The following CDH10 variants were observed in gnomAD, a reference collection of about 807,000 sequenced individuals.
The protein encoded by CDH10 is cadherin-10.
CDH10 carries 30 observed loss-of-function variants against 73.1 expected under a neutral mutation model. That is an observed-to-expected ratio of 0.41 (90% CI 0.31 to 0.56). The LOEUF (loss-of-function observed/expected upper bound fraction) is 0.56. Among genes scored for constraint, CDH10 ranks in the 20% least tolerant of loss-of-function variants. CDH10 has a pLI of 0.27. For missense variants in CDH10, 815 were observed against 973.7 expected, an observed-to-expected ratio of 0.84 and a Z score of 2.17; for synonymous variants, 345 against 348.2, an observed-to-expected ratio of 0.99 and a Z score of 0.10.
At chr5:24,513,238 C>T (rs550082928) in intron 5 of CDH10, among the ~76,000 whole-genome samples, 9 of 151,982 alleles carry the variant, frequency 5.9e-5, no homozygotes, top group East Asian at 1.9e-4. Context: ...AGGCTGGTCT[C>T]GAACTCCTGA....
At chr5:24,618,860 C>A (rs1051965000) in intron 1 of CDH10, among the ~76,000 whole-genome samples, 2 of 152,062 alleles carry the variant, frequency 1.3e-5, no homozygotes, top group Non-Finnish European at 2.9e-5. Flanking sequence ...TTAAGAAGCA[C>A]CTAGAGGCAT....
rs553379632 is a variant in CDH10 at position 24,643,987 on chromosome 5, A to T, written c.-124+607T>A. On this transcript the variant is annotated intron_variant, in intron 1 of 11. Transcript: ENST00000264463. Reference sequence around the variant, plus strand: ...TCTCTCCCCCCAATACTTCTGACTCAGATATAAAATTGAAAATAAGAATTC... The same window carrying T: ...TCTCTCCCCCCAATACTTCTGACTCTGATATAAAATTGAAAATAAGAATTC... Among the ~76,000 whole-genome samples, 180 of 152,236 alleles carry T rather than the reference A, an allele frequency of 1.2e-3. 1 individual carries two copies. The highest frequency in any genetic ancestry group is 1.8e-3 in the Non-Finnish European group (123 of 68,020).
rs901687201 is a variant in CDH10, at chr5:24,492,871, A to C, written c.1570T>G (p.Phe524Val). ...TTGACAGCAGCTAAACTGAAAAAAA[A>C]TTTCTGTCCACCTAAAGGGTCATCT... ...DKDDPLGGQK[F>V]FFSLAAVNPN... The change falls in exon 10 of 12, where the codon TTT (phenylalanine) becomes GTT (valine). Residue 524 changes from phenylalanine to valine, a missense_variant. Physicochemically the swap from Phe to Val is conservative, Grantham distance 50. Around this residue, in one of 3 missense-constraint regions of CDH10, gnomAD observed 516 missense variants for 636.6 expected, o/e 0.81. Transcript: ENST00000264463. 1.3e-6 allele frequency: 2 copies of C among 1,593,952 alleles called. No individual in the cohort carries two copies. The highest frequency in any genetic ancestry group is 1.7e-6 in the Non-Finnish European group (2 of 1,161,958).
chr5:24,557,101 G>A (rs1169621530), intron 2 of CDH10, among the ~76,000 whole-genome samples: 1 of 151,722 alleles, frequency 6.6e-6, no homozygotes, highest in Non-Finnish European at 1.5e-5. Flanking sequence ...GGTCATGTGG[G>A]AGGGGGGTGG....
intron 8 of CDH10, among the ~76,000 whole-genome samples, chr5:24,504,552 A>G (rs183115816): frequency 0.012 from 928 of 75,440 alleles, 19 homozygotes; most frequent in African/African-American, 0.032. Flanking sequence ...TTAAGATGGA[A>G]TCTCGCTCTG....
At chr5:24,519,289 T>C (rs1179356273) in intron 5 of CDH10, among the ~76,000 whole-genome samples, 2 of 152,140 alleles carry the variant, frequency 1.3e-5, no homozygotes, top group African/African-American at 4.8e-5. Flanking sequence ...AAGTTTAGTT[T>C]ATAAAACAAT....
rs187467416 is a variant in CDH10, at chr5:24,558,652, T to C, written c.232-20978A>G. 6.5e-3 allele frequency among the ~76,000 whole-genome samples: 985 copies of C among 151,468 alleles called. 12 individuals are homozygous for C. Among genetic ancestry groups the C allele is most frequent in the African/African-American group, 0.022 (932 of 41,456 alleles). ...AGATGAATCTAATCAAGGAAAAAAG[T>C]CAGTCAAGAAATGAAGATATCTGCA... On this transcript the variant is annotated intron_variant, in intron 2 of 11. Transcript: ENST00000264463.
intron 2 of CDH10, among the ~76,000 whole-genome samples, chr5:24,549,635 T>C (rs1247827925): frequency 6.8e-6 from 1 of 146,466 alleles, no homozygotes; most frequent in Non-Finnish European, 1.5e-5. Flanking sequence ...CACTGCAACC[T>C]CCGCCTCCTG....
intron 2 of CDH10, among the ~76,000 whole-genome samples, chr5:24,557,302 A>T (rs910588688): frequency 6.6e-6 from 1 of 151,630 alleles, no homozygotes; most frequent in East Asian, 1.9e-4. Context: ...CTTGTATTTT[A>T]CTTTTGTTGC....
rs111297824 is a variant in CDH10 at position 24,505,292 on chromosome 5, T to C, written c.1257-44A>G. 53 of 1,568,404 alleles carry C rather than the reference T, an allele frequency of 3.4e-5. 2 individuals carry two copies. The Admixed American group carries it at 8.1e-4, about 24-fold the overall frequency. On this transcript the variant is annotated intron_variant, in intron 7 of 11. Coordinates refer to ENST00000264463, the MANE Select transcript of CDH10 (RefSeq NM_006727.5). ...AAAAAATACATGGCAGCATTATTAA[T>C]AGTTTGCAGGAAAAAATAGTGAAAT...
At chr5:24,565,456 A>C (rs1434567124) in intron 2 of CDH10, among the ~76,000 whole-genome samples, 1 of 152,204 alleles carries the variant, frequency 6.6e-6, no homozygotes, top group Admixed American at 6.5e-5. Flanking sequence ...AATATGTAAA[A>C]TCTCTACACT....
chr5:24,544,664 C>T (rs1021890170), intron 2 of CDH10, among the ~76,000 whole-genome samples: 2 of 152,150 alleles, frequency 1.3e-5, no homozygotes, highest in Non-Finnish European at 2.9e-5. Flanking sequence ...CTTGTGGCCA[C>T]TTCTGACTAA....
chr5:24,583,030 T>C (rs1351743414), intron 2 of CDH10, among the ~76,000 whole-genome samples: 2 of 151,964 alleles, frequency 1.3e-5, no homozygotes, highest in African/African-American at 2.4e-5. Flanking sequence ...CTGTGTCAAA[T>C]AGCACCTGTC....
intron 5 of CDH10, among the ~76,000 whole-genome samples, chr5:24,527,593 T>A (rs1473761925): frequency 6.6e-6 from 1 of 151,884 alleles, no homozygotes; most frequent in Non-Finnish European, 1.5e-5. Context: ...GCTCCTAGGC[T>A]ACAAACCTGT....
intron 1 of CDH10, chr5:24,611,994 T>A (rs902292901): frequency 5.9e-5 from 9 of 152,064 alleles, no homozygotes; most frequent in Non-Finnish European, 1.0e-4. Context: ...AAACCTTAAT[T>A]GCAACCGGCA....
chr5:24,520,279 T>A (rs10755286), intron 5 of CDH10, among the ~76,000 whole-genome samples: 4 of 151,844 alleles, frequency 2.6e-5, no homozygotes, highest in African/African-American at 4.8e-5. Context: ...CACATCTCAA[T>A]GTAATATAAA....
intron 2 of CDH10, among the ~76,000 whole-genome samples, chr5:24,574,184 C>T (rs74625918): frequency 0.085 from 12,931 of 152,092 alleles, 1,102 homozygotes; most frequent in African/African-American, 0.2. Flanking sequence ...CTGCGCCCGG[C>T]CTATCATAGT....
intron 2 of CDH10, among the ~76,000 whole-genome samples, chr5:24,560,665 T>G (rs372233633): frequency 6.6e-6 from 1 of 152,078 alleles, no homozygotes; most frequent in Non-Finnish European, 1.5e-5. Context: ...GATTATGTCA[T>G]GTTTTCAAGG....
chr5:24,591,142 ATGTG>A (rs1347419534), intron 2 of CDH10, among the ~76,000 whole-genome samples: 1 of 151,944 alleles, frequency 6.6e-6, no homozygotes, highest in Non-Finnish European at 1.5e-5. Flanking sequence ...TTGTCATATC[ATGTG>A]TATGTTTATC....
Sources: gnomAD v4.1 joint callset for allele counts (sites outside exome capture counted in the v4.1 genomes callset) on GRCh38, gnomAD v4.1.1 for gene constraint, gnomAD v4.1.1 regional missense constraint, MANE v1.5 for transcripts, NCBI Gene and HGNC (gene_info 2026-07-23, HGNC 2026-07-21) for gene names.